Variants in RAB3B observed in about 807,000 individuals in gnomAD.
RAB3B encodes the protein ras-related protein Rab-3B.
In RAB3B, 11 loss-of-function variants were observed where a neutral mutation model predicts 20.5. The ratio of observed to expected loss-of-function variants is 0.54; its 90% CI spans 0.34 to 0.89. RAB3B has a LOEUF of 0.89. Ranked by LOEUF, RAB3B falls within the 40% of genes least tolerant of loss-of-function variation. The probability of loss-of-function intolerance (pLI) is 0.02; values close to 1 mark genes in which losing one functional copy is unlikely to be tolerated. For missense variants in RAB3B, 225 were observed against 280.9 expected, an observed-to-expected ratio of 0.80 and a Z score of 1.42; for synonymous variants, 99 against 106.3, an observed-to-expected ratio of 0.93 and a Z score of 0.42.
Position 51,933,452 on chromosome 1 carries a change from G to C in RAB3B, c.348-10C>G, listed in dbSNP as rs1684355016. On this transcript the variant is annotated splice_polypyrimidine_tract_variant and intron_variant, in intron 3 of 4. Transcript: ENST00000371655. ...CTTGATCTGAGTAGCCCTAAAATGA[G>C]ATAGAAAGAGATATGTTAATCATAT... The C allele has an allele frequency of 6.2e-7, 1 of 1,606,254 alleles. No individual in the cohort carries two copies. Among genetic ancestry groups the C allele is most frequent in the Non-Finnish European group, 8.5e-7 (1 of 1,174,264 alleles).
At chr1:51,984,649 A>T (rs1685130374) in intron 1 of RAB3B, among the ~76,000 whole-genome samples, 1 of 152,050 alleles carries the variant, frequency 6.6e-6, no homozygotes, top group Non-Finnish European at 1.5e-5. Flanking sequence ...AGTTGTTTTT[A>T]AGTTGTTTTT....
At chr1:51,983,891 C>T (rs893994402) in intron 1 of RAB3B, among the ~76,000 whole-genome samples, 3 of 151,744 alleles carry the variant, frequency 2.0e-5, no homozygotes, top group South Asian at 2.1e-4. Context: ...ACCCAGGAGG[C>T]GGAGGCTGCA....
chr1:51,933,279 A>G (rs753170997), intron 4 of RAB3B, 39 bp downstream of exon 4: 3 of 1,605,080 alleles, frequency 1.9e-6, no homozygotes, highest in Non-Finnish European at 2.6e-6. Flanking sequence ...GAGCATGTGT[A>G]CAAATGCACA....
intron 2 of RAB3B, among the ~76,000 whole-genome samples, chr1:51,941,282 A>G (rs989861256): frequency 5.9e-5 from 9 of 152,188 alleles, no homozygotes; most frequent in African/African-American, 2.2e-4. Context: ...AGAGCTCTGA[A>G]TACTATGCTA....
chr1:51,924,095 A>C (rs965138013), intron 4 of RAB3B, among the ~76,000 whole-genome samples: 2 of 152,082 alleles, frequency 1.3e-5, no homozygotes, highest in African/African-American at 4.8e-5. Flanking sequence ...ATGTTGGTGG[A>C]ATGAATAGTT....
chr1:51,985,650 C>T (rs1685141314), intron 1 of RAB3B, among the ~76,000 whole-genome samples: 2 of 152,086 alleles, frequency 1.3e-5, no homozygotes, highest in South Asian at 4.1e-4. Context: ...TCACGAGGTG[C>T]TGTGAATTTT....
rs927934123 is a variant in RAB3B, at chr1:51,909,766, C to T, written c.*10161G>A. 3 of 152,288 alleles carry T rather than the reference C, an allele frequency of 2.0e-5. No individual in the cohort carries two copies. Among genetic ancestry groups the T allele is most frequent in the Non-Finnish European group, 4.4e-5 (3 of 68,124 alleles). The allele number at this position is 152,288 out of a possible 1,614,324, so 9.4% of individuals were successfully genotyped here. A position where few individuals can be genotyped will look rare whatever the true frequency, so the allele number is the denominator to read the frequency against. On this transcript the variant is annotated 3_prime_UTR_variant, in exon 5 of 5. Coordinates refer to ENST00000371655, the MANE Select transcript of RAB3B (RefSeq NM_002867.4). Reference sequence around the variant, plus strand: ...ACTTAGTAAGTTCAAGCTCCATCTCCTACTTACACAATGCCCCTTCTCTTG... The same window carrying T: ...ACTTAGTAAGTTCAAGCTCCATCTCTTACTTACACAATGCCCCTTCTCTTG...
chr1:51,939,283 T>A (rs1444028685), intron 2 of RAB3B, among the ~76,000 whole-genome samples: 1 of 152,244 alleles, frequency 6.6e-6, no homozygotes, highest in African/African-American at 2.4e-5. Flanking sequence ...TCATTTAAAT[T>A]CTATGAGATT....
rs988524500 is a variant in RAB3B, at chr1:51,909,255, G to T, written c.*10672C>A. Reference sequence around the variant, plus strand: ...ATCCTTGGAAAGGGCTCTGAGAGGGGTGTATTCGTTTCATTCTGAGACGAA... The same window carrying T: ...ATCCTTGGAAAGGGCTCTGAGAGGGTTGTATTCGTTTCATTCTGAGACGAA... On this transcript the variant is annotated 3_prime_UTR_variant, in exon 5 of 5. Coordinates refer to ENST00000371655, the MANE Select transcript of RAB3B (RefSeq NM_002867.4). 3 of 147,814 alleles carry T rather than the reference G, an allele frequency of 2.0e-5. No homozygotes were observed. The highest frequency in any genetic ancestry group is 7.9e-5 in the African/African-American group (3 of 38,212). The allele number at this position is 147,814 out of a possible 1,614,324, so 9.2% of individuals were successfully genotyped here.
chr1:51,963,727 C>A (rs1379188912), intron 2 of RAB3B, among the ~76,000 whole-genome samples: 1 of 152,104 alleles, frequency 6.6e-6, no homozygotes, highest in African/African-American at 2.4e-5. Context: ...TAAGAGAACT[C>A]GAACCAGCAC....
At chr1:51,977,642 G>A (rs1374975237) in intron 1 of RAB3B, among the ~76,000 whole-genome samples, 2 of 152,078 alleles carry the variant, frequency 1.3e-5, no homozygotes, top group African/African-American at 4.8e-5. Context: ...CACATCCAAG[G>A]AAAGACTCAG....
At chr1:51,969,756 C>T (rs540353322) in intron 2 of RAB3B, among the ~76,000 whole-genome samples, 1 of 152,290 alleles carries the variant, frequency 6.6e-6, no homozygotes, top group South Asian at 2.1e-4. Flanking sequence ...AGTGTTTACT[C>T]TGTGCCATGC....
At chr1:51,959,426 G>A (rs1314185800) in intron 2 of RAB3B, among the ~76,000 whole-genome samples, 8 of 152,122 alleles carry the variant, frequency 5.3e-5, no homozygotes, top group East Asian at 3.9e-4. Context: ...GTGGGAGGAC[G>A]GCTTGAGCCC....
chr1:51,986,498 C>T (rs1571983736), intron 1 of RAB3B, among the ~76,000 whole-genome samples: 1 of 151,950 alleles, frequency 6.6e-6, no homozygotes, highest in African/African-American at 2.4e-5. Context: ...CTGTAGTCCT[C>T]GGTACTTGGG....
intron 2 of RAB3B, among the ~76,000 whole-genome samples, chr1:51,975,211 C>T: frequency 6.6e-6 from 1 of 151,916 alleles, no homozygotes; most frequent in East Asian, 1.9e-4. Context: ...GAGACTCTGT[C>T]TCGAAAAAAA....
intron 2 of RAB3B, among the ~76,000 whole-genome samples, chr1:51,963,643 C>G (rs1351567272): frequency 6.6e-6 from 1 of 152,200 alleles, no homozygotes; most frequent in African/African-American, 2.4e-5. Flanking sequence ...ATTCTCCTCT[C>G]TCTTCGACTC....
intron 2 of RAB3B, among the ~76,000 whole-genome samples, chr1:51,939,120 G>A (rs1684454162): frequency 6.6e-6 from 1 of 152,184 alleles, no homozygotes; most frequent in Non-Finnish European, 1.5e-5. Context: ...ACAAAGACAA[G>A]ACCAACAGCA....
intron 2 of RAB3B, among the ~76,000 whole-genome samples, chr1:51,949,957 A>G (rs1684616282): frequency 6.6e-6 from 1 of 152,142 alleles, no homozygotes; most frequent in Non-Finnish European, 1.5e-5. Context: ...GAGGGTGGAG[A>G]ATTTTATTGA....
chr1:51,976,009 C>A (rs941167156), intron 2 of RAB3B, among the ~76,000 whole-genome samples: 1 of 151,310 alleles, frequency 6.6e-6, no homozygotes, highest in East Asian at 1.9e-4. Context: ...AAAAAAAGAT[C>A]CTCCAGCTCC....
Sources: gnomAD v4.1 joint callset for allele counts (sites outside exome capture counted in the v4.1 genomes callset) on GRCh38, gnomAD v4.1.1 for gene constraint, MANE v1.5 for transcripts, NCBI Gene and HGNC (gene_info 2026-07-23, HGNC 2026-07-21) for gene names.